The following SLC49A4 variants were observed in gnomAD, a reference collection of about 807,000 sequenced individuals.
The protein encoded by SLC49A4 is solute carrier family 49 member 4, also known as disrupted in renal cancer protein 2.
SLC49A4 carries 36 observed loss-of-function variants against 50.6 expected under a neutral mutation model. The ratio of observed to expected loss-of-function variants is 0.71; its 90% CI spans 0.55 to 0.94. The LOEUF (loss-of-function observed/expected upper bound fraction) is 0.94, where lower values mean the gene tolerates loss of function less well. Among genes scored for constraint, SLC49A4 ranks in the 40% least tolerant of loss-of-function variants. The pLI, the probability that SLC49A4 is intolerant of heterozygous loss-of-function variation, is 0.00. For synonymous variants in SLC49A4, 248 were observed against 241.2 expected, an observed-to-expected ratio of 1.03 and a Z score of -0.26; for missense variants, 503 against 605.7, an observed-to-expected ratio of 0.83 and a Z score of 1.78.
chr3:122,809,082 G>A (rs967259627), intron 2 of SLC49A4, among the ~76,000 whole-genome samples: 2 of 152,284 alleles, frequency 1.3e-5, no homozygotes, highest in East Asian at 1.9e-4. Flanking sequence ...ACACAGAAGT[G>A]GGGGAGAGTG....
intron 2 of SLC49A4, among the ~76,000 whole-genome samples, chr3:122,820,931 T>G (rs1936439911): frequency 6.6e-6 from 1 of 152,246 alleles, no homozygotes; most frequent in African/African-American, 2.4e-5. Flanking sequence ...CACCCAAATC[T>G]CATCTTGAAC....
chr3:122,817,206 G>A (rs1411483605), intron 2 of SLC49A4, among the ~76,000 whole-genome samples: 2 of 152,278 alleles, frequency 1.3e-5, no homozygotes, highest in East Asian at 3.9e-4. Context: ...TAAAGAGAAA[G>A]GTAGATAGAT....
chr3:122,838,575 A>G (rs1254212693), intron 4 of SLC49A4, among the ~76,000 whole-genome samples: 1 of 150,332 alleles, frequency 6.7e-6, no homozygotes, highest in South Asian at 2.1e-4. Context: ...GGGAGGGGGG[A>G]AGGATAGCAT....
intron 8 of SLC49A4, among the ~76,000 whole-genome samples, chr3:122,876,346 G>A (rs1007212894): frequency 6.6e-6 from 1 of 152,194 alleles, no homozygotes; most frequent in Non-Finnish European, 1.5e-5. Context: ...TCATTTTAAA[G>A]TGGCTGACCA....
At chr3:122,872,630 A>ACT in intron 8 of SLC49A4, 33 bp downstream of exon 8, 1 of 1,487,432 alleles carries the variant, frequency 6.7e-7, no homozygotes, top group South Asian at 1.3e-5. Flanking sequence ...TACTATCTAA[A>ACT]TGTGTTACAA....
chr3:122,828,018 T>C (rs1262977890), intron 3 of SLC49A4, among the ~76,000 whole-genome samples: 1 of 152,074 alleles, frequency 6.6e-6, no homozygotes, highest in African/African-American at 2.4e-5. Context: ...AGTAATTGAG[T>C]ATGGCTGGAG....
chr3:122,818,996 A>G (rs1347779074), intron 2 of SLC49A4, among the ~76,000 whole-genome samples: 2 of 151,632 alleles, frequency 1.3e-5, no homozygotes, highest in Non-Finnish European at 2.9e-5. Flanking sequence ...GCTTATGCCT[A>G]TAATCCTAGC....
intron 2 of SLC49A4, among the ~76,000 whole-genome samples, chr3:122,821,035 G>A (rs1936441142): frequency 6.6e-6 from 1 of 152,218 alleles, no homozygotes; most frequent in Non-Finnish European, 1.5e-5. Flanking sequence ...TTGTGATAGT[G>A]TGTGAGTGTC....
intron 1 of SLC49A4, among the ~76,000 whole-genome samples, chr3:122,796,061 A>C (rs1285956086): frequency 6.6e-6 from 1 of 152,220 alleles, no homozygotes; most frequent in Admixed American, 6.5e-5. Context: ...CGGCAGCTTT[A>C]AAATGTGTGT....
At chr3:122,845,605 ACGT>A (rs1936836142) in intron 4 of SLC49A4, among the ~76,000 whole-genome samples, 155 bp from the exon 5 acceptor site, 1 of 124,474 alleles carries the variant, frequency 8.0e-6, no homozygotes, top group Non-Finnish European at 1.6e-5. Flanking sequence ...CCTTTCCAGC[ACGT>A]TTTTTTTTTT....
At chr3:122,844,414 T>C (rs924745971) in intron 4 of SLC49A4, among the ~76,000 whole-genome samples, 2 of 152,146 alleles carry the variant, frequency 1.3e-5, no homozygotes, top group African/African-American at 4.8e-5. Context: ...TGAAATAATA[T>C]TGGTTATCTG....
intron 7 of SLC49A4, among the ~76,000 whole-genome samples, chr3:122,867,799 G>A (rs1467870407): frequency 6.6e-6 from 1 of 151,778 alleles, no homozygotes; most frequent in Non-Finnish European, 1.5e-5. Context: ...GGCTAACACG[G>A]TGAAACCCTG....
chr3:122,802,238 A>C (rs759699848), intron 1 of SLC49A4, among the ~76,000 whole-genome samples: 3 of 152,212 alleles, frequency 2.0e-5, no homozygotes, highest in Non-Finnish European at 2.9e-5. Context: ...AGGACAGGGC[A>C]GTGATCCCTA....
chr3:122,827,126 C>T lies in SLC49A4; in HGVS notation c.703+61C>T, dbSNP rs182015327. 3.1e-3 allele frequency: 4,783 copies of T among 1,543,718 alleles called. 15 individuals carry two copies. Among genetic ancestry groups the T allele is most frequent in the Non-Finnish European group, 3.9e-3 (4,398 of 1,138,818 alleles). ...GTCTTTTATCTCAATCATCTTCACT[C>T]TACTTTTTGTATAACAGATACCTTC... On this transcript the variant is annotated intron_variant, in intron 3 of 8. Transcript: ENST00000261038.
chr3:122,810,604 C>T (rs1936284482), intron 2 of SLC49A4, among the ~76,000 whole-genome samples: 1 of 152,162 alleles, frequency 6.6e-6, no homozygotes, highest in Admixed American at 6.6e-5. Flanking sequence ...TTTTAAGTTC[C>T]AGGATGCATG....
At chr3:122,845,606 C>CTT (rs1936836174) in intron 4 of SLC49A4, among the ~76,000 whole-genome samples, 157 bp from the exon 5 acceptor site, 2 of 115,692 alleles carry the variant, frequency 1.7e-5, no homozygotes, top group Admixed American at 9.4e-5. Flanking sequence ...CTTTCCAGCA[C>CTT]GTTTTTTTTT....
intron 1 of SLC49A4, among the ~76,000 whole-genome samples, chr3:122,805,279 T>C (rs1936198959): frequency 6.6e-6 from 1 of 152,224 alleles, no homozygotes; most frequent in Non-Finnish European, 1.5e-5. Context: ...ATGGTATTCC[T>C]TCTGGTAAAT....
intron 2 of SLC49A4, among the ~76,000 whole-genome samples, chr3:122,808,223 A>G (rs970825702): frequency 6.6e-6 from 1 of 152,222 alleles, no homozygotes; most frequent in Non-Finnish European, 1.5e-5. Flanking sequence ...ACATTACATG[A>G]CATACTATGT....
At chr3:122,803,596 G>C (rs1936166695) in intron 1 of SLC49A4, among the ~76,000 whole-genome samples, 1 of 152,246 alleles carries the variant, frequency 6.6e-6, no homozygotes, top group Non-Finnish European at 1.5e-5. Context: ...CTGCCCCGGA[G>C]CCAGCAGAGC....
Sources: allele counts gnomAD v4.1 joint callset (sites outside exome capture counted in the v4.1 genomes callset), GRCh38; gene constraint gnomAD v4.1.1; transcripts MANE v1.5; gene names NCBI Gene and HGNC (gene_info 2026-07-23, HGNC 2026-07-21).